The following ASXL2 variants were observed in gnomAD, a reference collection of about 807,000 sequenced individuals.
ASXL2 encodes the protein ASXL transcriptional regulator 2, also known as putative Polycomb group protein ASXL2.
In ASXL2, 23 loss-of-function variants were observed where a neutral mutation model predicts 122.0. That is an observed-to-expected ratio of 0.19 (90% CI 0.14 to 0.27). ASXL2 has a LOEUF of 0.27. ASXL2 is among the 10% of genes least tolerant of loss of function. The pLI, the probability that ASXL2 is intolerant of heterozygous loss-of-function variation, is 1.00. For missense variants in ASXL2, 1,518 were observed against 1,713.8 expected, an observed-to-expected ratio of 0.89 and a Z score of 2.02; for synonymous variants, 650 against 637.0, an observed-to-expected ratio of 1.02 and a Z score of -0.31.
intron 2 of ASXL2, among the ~76,000 whole-genome samples, chr2:25,840,048 T>C (rs1448734522): frequency 6.6e-6 from 1 of 152,038 alleles, no homozygotes; most frequent in African/African-American, 2.4e-5. Context: ...TCTTTAAAAT[T>C]AGTGCATTAA....
chr2:25,838,715 A>C (rs2089543204), intron 2 of ASXL2, among the ~76,000 whole-genome samples: 1 of 152,258 alleles, frequency 6.6e-6, no homozygotes, highest in Non-Finnish European at 1.5e-5. Flanking sequence ...GACAAAAAGG[A>C]AAGCGCTTTT....
chr2:25,827,755 T>C (rs938506438), intron 3 of ASXL2, among the ~76,000 whole-genome samples: 19 of 152,098 alleles, frequency 1.2e-4, no homozygotes, highest in Non-Finnish European at 2.9e-5. Context: ...AACAAGCAGC[T>C]TGGGGTAAGT....
intron 9 of ASXL2, 145 bp downstream of exon 9, chr2:25,759,336 AT>A (rs1055324500): frequency 2.8e-4 from 208 of 738,410 alleles, no homozygotes; most frequent in Non-Finnish European, 3.6e-4. Flanking sequence ...TGGTAGGAGA[AT>A]TTTTTTTTCC....
intron 11 of ASXL2, among the ~76,000 whole-genome samples, chr2:25,750,929 G>C (rs1428646715): frequency 6.6e-6 from 1 of 152,150 alleles, no homozygotes; most frequent in Non-Finnish European, 1.5e-5. Context: ...AATCTAAGAG[G>C]ACCTGAGGAG....
intron 3 of ASXL2, among the ~76,000 whole-genome samples, chr2:25,828,732 G>A (rs1437828101): frequency 2.0e-5 from 3 of 147,406 alleles, no homozygotes; most frequent in Non-Finnish European, 4.5e-5. Context: ...GGCTGAGGGA[G>A]GAGAACTGCT....
chr2:25,822,525 C>T (rs2149182258), intron 3 of ASXL2: 1 of 494,558 alleles, frequency 2.0e-6, no homozygotes, highest in East Asian at 4.9e-5. Flanking sequence ...TCACTGAATT[C>T]TGTGAACACA....
intron 3 of ASXL2, among the ~76,000 whole-genome samples, chr2:25,822,147 AAAAGAAACTTGTAG>A (rs2089319408): frequency 6.6e-6 from 1 of 152,228 alleles, no homozygotes; most frequent in Non-Finnish European, 1.5e-5. Context: ...AATAAAAGGT[AAAAGAAACTTGTAG>A]ATAATAAAAG....
At chr2:25,784,323 C>T (rs1169303259) in intron 5 of ASXL2, among the ~76,000 whole-genome samples, 2 of 152,178 alleles carry the variant, frequency 1.3e-5, no homozygotes, top group South Asian at 2.1e-4. Context: ...TCAGCTTTGG[C>T]TGCAAGTCTC....
In ASXL2 at chr2:25,733,908, G is replaced by C. The variant is rs2087688262; in HGVS notation, c.*8121C>G. 6.6e-6 allele frequency: 1 copy of C among 152,188 alleles called. No individual in the cohort carries two copies. Among genetic ancestry groups the C allele is most frequent in the Non-Finnish European group, 1.5e-5 (1 of 68,040 alleles). The allele number at this position is 152,188 out of a possible 1,614,324, so 9.4% of individuals were successfully genotyped here. A position where few individuals can be genotyped will look rare whatever the true frequency, so the allele number is the denominator to read the frequency against. ...ACAGGAAAGAAGACAATAGTGAGGA[G>C]CTAAAAGGCAGAGTTTATTTGTCAA... is the stretch of plus-strand genomic sequence containing the variant. On this transcript the variant is annotated 3_prime_UTR_variant, in exon 13 of 13. Coordinates refer to ENST00000435504, the MANE Select transcript of ASXL2 (RefSeq NM_018263.6).
intron 3 of ASXL2, among the ~76,000 whole-genome samples, chr2:25,824,340 G>A (rs943577859): frequency 6.6e-6 from 1 of 152,056 alleles, no homozygotes; most frequent in African/African-American, 2.4e-5. Context: ...ATAGCAACAC[G>A]GTAGTATGTG....
At chr2:25,829,437 A>G (rs2089422581) in intron 3 of ASXL2, among the ~76,000 whole-genome samples, 1 of 152,220 alleles carries the variant, frequency 6.6e-6, no homozygotes. Flanking sequence ...AAATCAACAG[A>G]TTCAATTAAG....
At chr2:25,760,817 T>C (rs1403014947) in intron 8 of ASXL2, among the ~76,000 whole-genome samples, 8 of 152,202 alleles carry the variant, frequency 5.3e-5, no homozygotes, top group Non-Finnish European at 1.0e-4. Flanking sequence ...GATGGAGACC[T>C]AGAAGTACTG....
rs1362167701 is a variant in ASXL2 at position 25,742,494 on chromosome 2, T to G, written c.3843A>C (p.Ala1281=). The change falls in exon 13 of 13, where the codon GCA becomes GCC. Residue 1281 remains alanine, a synonymous_variant. Transcript: ENST00000435504. The part of the protein sequence containing the change: ...KQMAHAVRGK[A]IRSSPELFSS... Reference sequence around the variant, plus strand: ...TGAAAAGCTCGGGGCTGCTACGGATTGCCTTACCTCTCACTGCATGAGCCA... The same window carrying G: ...TGAAAAGCTCGGGGCTGCTACGGATGGCCTTACCTCTCACTGCATGAGCCA... The G allele has an allele frequency of 8.1e-6, 13 of 1,613,896 alleles. No homozygotes were observed.
chr2:25,822,163 TAATAAAAGGTAAAAG>T (rs78554878), intron 3 of ASXL2, among the ~76,000 whole-genome samples: 48,441 of 152,048 alleles, frequency 0.32, 8,232 homozygotes, highest in African/African-American at 0.4. Context: ...AACTTGTAGA[TAATAAAAGGTAAAAG>T]TAACTCTTTA....
rs997820338 is a variant in ASXL2 at position 25,750,167 on chromosome 2, G to A, written c.1389C>T (p.Pro463=). 1 of 1,614,004 alleles carries A rather than the reference G, an allele frequency of 6.2e-7. No individual in the cohort carries two copies. The highest frequency in any genetic ancestry group is 1.1e-5 in the South Asian group (1 of 91,080). ...GTGTATTGAGAGCTGAGGAAAGCAG[G>A]GGCTCTGAAGATGTGGAGAAGTTCG... ...VQPNFSTSSE[P]LLSSALNTHE... Residue 463 remains proline (P), a synonymous_variant, in exon 12 of 13, where the codon CCC becomes CCT. Transcript: ENST00000435504.
At chr2:25,836,954 C>T (rs1010037591) in intron 2 of ASXL2, among the ~76,000 whole-genome samples, 1 of 152,042 alleles carries the variant, frequency 6.6e-6, no homozygotes, top group Non-Finnish European at 1.5e-5. Context: ...AATAGGGTCT[C>T]AAGAACTGAA....
At position 25,750,003 on chromosome 2, in the gene ASXL2, T is replaced by A; in HGVS notation, c.1553A>T (p.Gln518Leu). The change falls in exon 12 of 13, where the codon CAA (glutamine) becomes CTA (leucine). Residue 518 changes from glutamine (Q) to leucine (L), a missense_variant. Gln to Leu is a moderately radical substitution (Grantham distance 113). Transcript: ENST00000435504. ...TASNYNKSES[Q>L]ESLVTSPSKP... ...GCTTGGCGATGTAACTAAAGATTCT[T>A]GGCTTTCACTTTTGTTATAATTAGA... is the stretch of plus-strand genomic sequence containing the variant. The A allele has an allele frequency of 6.2e-7, 1 of 1,614,038 alleles. No individual in the cohort carries two copies. Among genetic ancestry groups the A allele is most frequent in the Non-Finnish European group, 8.5e-7 (1 of 1,179,890 alleles).
intron 11 of ASXL2, among the ~76,000 whole-genome samples, chr2:25,752,614 G>A (rs1470782784): frequency 2.6e-5 from 4 of 152,090 alleles, no homozygotes; most frequent in South Asian, 2.1e-4. Context: ...TTGGGAGGCC[G>A]AGGAGGGCAG....
intron 3 of ASXL2, among the ~76,000 whole-genome samples, chr2:25,832,958 T>G (rs1173255283): frequency 6.6e-6 from 1 of 152,132 alleles, no homozygotes; most frequent in African/African-American, 2.4e-5. Context: ...ACATACTCTA[T>G]GATTCCATTA....
Sources: allele counts gnomAD v4.1 joint callset (sites outside exome capture counted in the v4.1 genomes callset), GRCh38; gene constraint gnomAD v4.1.1; transcripts MANE v1.5; gene names NCBI Gene and HGNC (gene_info 2026-07-23, HGNC 2026-07-21).